Variants in TRIO observed in about 807,000 individuals in gnomAD.
TRIO encodes the protein triple functional domain protein.
TRIO carries 58 observed loss-of-function variants against 351.9 expected under a neutral mutation model. The observed-to-expected ratio is 0.16, with a 90% CI of 0.13 to 0.21. The LOEUF (loss-of-function observed/expected upper bound fraction) is 0.21, where lower values mean the gene tolerates loss of function less well. Among genes scored for constraint, TRIO ranks in the 10% least tolerant of loss-of-function variants. The pLI is 1.00. For missense variants in TRIO, 3,201 were observed against 4,027.8 expected, an observed-to-expected ratio of 0.79 and a Z score of 5.56; for synonymous variants, 1,758 against 1,595.7, an observed-to-expected ratio of 1.10 and a Z score of -2.42.
chr5:14,419,132 G>C (rs1023301164), intron 33 of TRIO, among the ~76,000 whole-genome samples: 2 of 152,170 alleles, frequency 1.3e-5, no homozygotes, highest in Admixed American at 6.5e-5. Flanking sequence ...GAAACGAGCC[G>C]ATGTCTGCAG....
At chr5:14,492,862 G>A in intron 49 of TRIO, 48 bp downstream of exon 49, 2 of 1,600,426 alleles carry the variant, frequency 1.2e-6, no homozygotes, top group South Asian at 1.1e-5. Flanking sequence ...AGAGGGAGGG[G>A]GCACAGCACC....
rs115071853 is a variant in TRIO at position 14,415,995 on chromosome 5, A to G, written c.4960-3783A>G. 5.7e-3 allele frequency among the ~76,000 whole-genome samples: 870 copies of G among 152,084 alleles called. 12 individuals carry two copies. Among genetic ancestry groups the G allele is most frequent in the African/African-American group, 0.02 (816 of 41,434 alleles). The stretch of plus-strand genomic sequence containing the variant: ...TTCACAAATTGCAATCCTAAATTCA[A>G]TGCATGAGGTGGGAGCCCATGATAG... On this transcript the variant is annotated intron_variant, in intron 33 of 56. Transcript: ENST00000344204.
rs375734953 is a variant in TRIO, at chr5:14,485,051, TG to T, written c.6658-17del. The T allele has an allele frequency of 1.1e-4, 173 of 1,518,508 alleles. No individual in the cohort carries two copies. In the African/African-American group the frequency reaches 1.6e-3, roughly 14 times the overall value. The allele number at this position is 1,518,508 out of a possible 1,614,324, so 94.1% of individuals were successfully genotyped here. A position where few individuals can be genotyped will look rare whatever the true frequency, so the allele number is the denominator to read the frequency against. ...TCCACCTGTTAGCTATTATGAATAATGTTTTTTTTTTTTTAAGGTGAGTTGC... is the reference window on the plus strand; with the variant it reads ...TCCACCTGTTAGCTATTATGAATAATTTTTTTTTTTTTTAAGGTGAGTTGC... On this transcript the variant is annotated splice_polypyrimidine_tract_variant and intron_variant, in intron 46 of 56. Coordinates refer to ENST00000344204, the MANE Select transcript of TRIO (RefSeq NM_007118.4).
chr5:14,333,381 G>A (rs543941644), intron 10 of TRIO, among the ~76,000 whole-genome samples: 10 of 152,250 alleles, frequency 6.6e-5, no homozygotes, highest in Admixed American at 4.6e-4. Flanking sequence ...TTCCCTTCAC[G>A]GATGAAAAGA....
chr5:14,440,353 A>G (rs986932733), intron 34 of TRIO, among the ~76,000 whole-genome samples: 5 of 152,214 alleles, frequency 3.3e-5, no homozygotes, highest in African/African-American at 9.6e-5. Flanking sequence ...AGGGGAGCGC[A>G]CACACACCAC....
chr5:14,419,505 G>GT (rs776286652), intron 33 of TRIO, among the ~76,000 whole-genome samples: 1 of 151,964 alleles, frequency 6.6e-6, no homozygotes, highest in Non-Finnish European at 1.5e-5. Flanking sequence ...TTCAAGCAGA[G>GT]TTTTTTTTAG....
intron 11 of TRIO, among the ~76,000 whole-genome samples, chr5:14,353,088 A>T (rs1032547509): frequency 1.3e-5 from 2 of 152,152 alleles, no homozygotes; most frequent in Non-Finnish European, 2.9e-5. Flanking sequence ...ACCAAGTGAC[A>T]TATTTTGAAC....
At chr5:14,406,529 C>T in intron 32 of TRIO, 44 bp from the exon 33 acceptor site, 1 of 1,586,368 alleles carries the variant, frequency 6.3e-7, no homozygotes, top group South Asian at 1.1e-5. Context: ...CAGTGACTGC[C>T]AGCTCAGCAG....
chr5:14,370,425 C>G (rs1745002322), intron 18 of TRIO, among the ~76,000 whole-genome samples: 1 of 152,148 alleles, frequency 6.6e-6, no homozygotes, highest in Non-Finnish European at 1.5e-5. Flanking sequence ...ATTTCTGAGG[C>G]TCTGCTTGTT....
At position 14,388,688 on chromosome 5, in the gene TRIO, G is replaced by GTTTTTTTTTTTTTTTTTTTTT; in HGVS notation, c.3948+27_3948+28insTTTTTTTTTTTTTTTTTTTTT. 1 of 1,440,392 alleles carries GTTTTTTTTTTTTTTTTTTTTT rather than the reference G, an allele frequency of 6.9e-7. No homozygotes were observed. Among genetic ancestry groups the GTTTTTTTTTTTTTTTTTTTTT allele is most frequent in the African/African-American group, 1.6e-5 (1 of 63,216 alleles). 89.2% of individuals were successfully genotyped at this position (1,440,392 alleles called of 1,614,324 possible). A position where few individuals can be genotyped will look rare whatever the true frequency, so the allele number is the denominator to read the frequency against. ...TCCGGGAATGTATGGATGTAAGTAA[G>GTTTTTTTTTTTTTTTTTTTTT]TTTTTTTTTTTTTTTTTTGCTTGTT... On this transcript the variant is annotated intron_variant, in intron 24 of 56. Coordinates refer to ENST00000344204, the MANE Select transcript of TRIO (RefSeq NM_007118.4).
chr5:14,454,972 GC>G (rs1385982613), intron 34 of TRIO, among the ~76,000 whole-genome samples: 1 of 150,860 alleles, frequency 6.6e-6, no homozygotes, highest in Non-Finnish European at 1.5e-5. Flanking sequence ...GCTTAAGGTG[GC>G]ACGTCTGGAG....
Position 14,482,763 on chromosome 5 carries a change from A to T in TRIO, c.6647A>T (p.Asn2216Ile). The T allele has an allele frequency of 6.3e-7, 1 of 1,598,976 alleles. No individual in the cohort carries two copies. The highest frequency in any genetic ancestry group is 8.5e-7 in the Non-Finnish European group (1 of 1,170,874). ...GFSMPGFLFKNSIKVSCLCLE... is the reference protein window; with the variant it reads ...GFSMPGFLFKISIKVSCLCLE... ...TCCATGCCGGGATTCCTGTTTAAGA[A>T]CAGTATCAAGGTAACGTGTGTCTCT... Residue 2216 changes from asparagine (N) to isoleucine (I), a missense_variant, in exon 46 of 57, where the codon AAC (asparagine) becomes ATC (isoleucine). Coordinates refer to ENST00000344204, the MANE Select transcript of TRIO (RefSeq NM_007118.4).
intron 7 of TRIO, 95 bp from the exon 8 acceptor site, chr5:14,304,366 C>T: frequency 7.6e-7 from 1 of 1,316,478 alleles, no homozygotes; most frequent in Non-Finnish European, 1.0e-6. Flanking sequence ...TAGGATCTCC[C>T]TCAAGTCCCC....
At chr5:14,351,794 A>G (rs570481329) in intron 11 of TRIO, among the ~76,000 whole-genome samples, 2 of 152,298 alleles carry the variant, frequency 1.3e-5, no homozygotes, top group East Asian at 3.9e-4. Flanking sequence ...TTCAAACTGC[A>G]TCAGCTTGTA....
In TRIO at chr5:14,509,424, C is replaced by G. The variant is rs1757945508; in HGVS notation, c.*1002C>G. 2 of 470,768 alleles carry G rather than the reference C, an allele frequency of 4.2e-6. No individual in the cohort carries two copies. Among genetic ancestry groups the G allele is most frequent in the Admixed American group, 4.6e-5 (2 of 43,802 alleles). 29.2% of individuals were successfully genotyped at this position (470,768 alleles called of 1,614,324 possible). ...CGGGTGGGTGGGTAGGGTCGTAGCC[C>G]TGTGCCATCGGTTCAAAGAGACTTT... On this transcript the variant is annotated 3_prime_UTR_variant, in exon 57 of 57. Transcript: ENST00000344204.
intron 18 of TRIO, among the ~76,000 whole-genome samples, chr5:14,372,910 G>A (rs1011174504): frequency 2.0e-5 from 3 of 152,144 alleles, no homozygotes; most frequent in African/African-American, 7.2e-5. Flanking sequence ...CCTGAGAATG[G>A]GTAATTTATA....
intron 9 of TRIO, among the ~76,000 whole-genome samples, chr5:14,330,412 TG>T (rs1196461582): frequency 2.0e-5 from 3 of 152,250 alleles, no homozygotes; most frequent in Non-Finnish European, 2.9e-5. Flanking sequence ...TAAGTTAAAT[TG>T]GCCCTGTGTG....
chr5:14,245,670 C>T (rs192775395), intron 1 of TRIO, among the ~76,000 whole-genome samples: 7 of 152,300 alleles, frequency 4.6e-5, no homozygotes, highest in Admixed American at 2.0e-4. Flanking sequence ...ACCGTTTTTG[C>T]ACCGAGTGGA....
chr5:14,490,932 A>G, intron 48 of TRIO: 1 of 447,798 alleles, frequency 2.2e-6, no homozygotes, highest in South Asian at 1.6e-5. Context: ...TAATGCATAA[A>G]TGAGTATGCA....
Sources: allele counts gnomAD v4.1 joint callset (sites outside exome capture counted in the v4.1 genomes callset), GRCh38; gene constraint gnomAD v4.1.1; transcripts MANE v1.5; gene names NCBI Gene and HGNC (gene_info 2026-07-23, HGNC 2026-07-21).